The following PLCG1 variants were observed in gnomAD, a reference collection of about 807,000 sequenced individuals.
PLCG1 encodes 1-phosphatidylinositol 4,5-bisphosphate phosphodiesterase gamma-1.
In PLCG1, 71 loss-of-function variants were observed where a neutral mutation model predicts 177.8. That is an observed-to-expected ratio of 0.40 (90% CI 0.33 to 0.49). PLCG1 has a LOEUF of 0.49. Ranked by LOEUF, PLCG1 falls within the 20% of genes least tolerant of loss-of-function variation. The pLI is 0.72. For missense variants in PLCG1, 1,281 were observed against 1,709.0 expected, an observed-to-expected ratio of 0.75 and a Z score of 4.42; for synonymous variants, 658 against 647.9, an observed-to-expected ratio of 1.02 and a Z score of -0.24.
chr20:41,172,378 C>CTGGGTG lies in PLCG1; in HGVS notation c.2906-42_2906-37dup, dbSNP rs1600676903. ...TATTTAGGTATCCCCCCAACACTTC[C>CTGGGTG]TGGGTGGGCGGGCTCTGTAAGTGTT... is the stretch of plus-strand genomic sequence containing the variant. On this transcript the variant is annotated intron_variant, in intron 25 of 31. Transcript: ENST00000685551. This position sits in a 1 kb window ranked among gnomAD's most constrained non-coding sequence, Gnocchi z 7.0. The CTGGGTG allele has an allele frequency of 6.3e-7, 1 of 1,593,302 alleles. No homozygotes were observed. Among genetic ancestry groups the CTGGGTG allele is most frequent in the East Asian group, 2.2e-5 (1 of 44,760 alleles).
intron 24 of PLCG1, 102 bp downstream of exon 24, chr20:41,170,371 C>A: frequency 7.8e-7 from 1 of 1,279,504 alleles, no homozygotes; most frequent in Non-Finnish European, 1.1e-6. Flanking sequence ...GTGGGGCAGC[C>A]GATGGCCTAT....
chr20:41,175,818 CAGGT>C lies in PLCG1; in HGVS notation c.*1313_*1316del, dbSNP rs1432895023. 6.6e-6 allele frequency: 1 copy of C among 152,622 alleles called. No homozygotes were observed. The highest frequency in any genetic ancestry group is 1.5e-5 in the Non-Finnish European group (1 of 68,044). The allele number at this position is 152,622 out of a possible 1,614,324, so 9.5% of individuals were successfully genotyped here. A position where few individuals can be genotyped will look rare whatever the true frequency, so the allele number is the denominator to read the frequency against. On this transcript the variant is annotated 3_prime_UTR_variant, in exon 32 of 32. Transcript: ENST00000685551. ...CCAGATGATTATTCTGCAGTAGAAG[CAGGT>C]AGGAAATTTCTGGAAATTTCTCAGG... is the stretch of plus-strand genomic sequence containing the variant.
Position 41,174,584 on chromosome 20 carries a change from G to A in PLCG1, c.*75G>A. 1 of 1,364,110 alleles carries A rather than the reference G, an allele frequency of 7.3e-7. No homozygotes were observed. Among genetic ancestry groups the A allele is most frequent in the Non-Finnish European group, 1.0e-6 (1 of 976,494 alleles). 84.5% of individuals were successfully genotyped at this position (1,364,110 alleles called of 1,614,324 possible). A position where few individuals can be genotyped will look rare whatever the true frequency, so the allele number is the denominator to read the frequency against. ...ATGCCGCGAACTGGGTTCTTTGGAA[G>A]CAGCCCCCTGTGGCGGCCTTCCGGG... On this transcript the variant is annotated 3_prime_UTR_variant, in exon 32 of 32. Transcript: ENST00000685551. This position sits in a 1 kb window ranked among gnomAD's most constrained non-coding sequence, Gnocchi z 5.8.
At chr20:41,140,365 C>T (rs2145993604) in intron 1 of PLCG1, among the ~76,000 whole-genome samples, 1 of 152,306 alleles carries the variant, frequency 6.6e-6, no homozygotes, top group African/African-American at 2.4e-5. Context: ...TCCCTGCGGC[C>T]TCTGAGGAGG....
rs750142815 is a variant in PLCG1 at position 41,167,934 on chromosome 20, A to G, written c.2379+5A>G. On this transcript the variant is annotated splice_donor_5th_base_variant and intron_variant, in intron 20 of 31. Transcript: ENST00000685551. The surrounding 1 kb of genome is among the most constrained non-coding windows in gnomAD (Gnocchi z 4.4). ...AACCCTATGCCAACTTTCAAGGTAC[A>G]GCTCAGGCCTCTGGGCATAGGAAGC... 3.7e-6 allele frequency: 6 copies of G among 1,607,654 alleles called. No homozygotes were observed. Among genetic ancestry groups the G allele is most frequent in the Non-Finnish European group, 5.1e-6 (6 of 1,174,442 alleles).
At chr20:41,162,224 G>GTTTT (rs1568742730) in intron 4 of PLCG1, 2 of 314,032 alleles carry the variant, frequency 6.4e-6, no homozygotes, top group African/African-American at 5.2e-5. Flanking sequence ...TTTTTTGTTT[G>GTTTT]TTTTGTTTTT....
At position 41,146,678 on chromosome 20, in the gene PLCG1, G is replaced by T. The variant is rs2035004833; in HGVS notation, c.217+8820G>T. Among the ~76,000 whole-genome samples the T allele has an allele frequency of 6.6e-6, 1 of 152,212 alleles. No homozygotes were observed. Among genetic ancestry groups the T allele is most frequent in the Non-Finnish European group, 1.5e-5 (1 of 68,036 alleles). ...TGTTTTCTTGGACACCTGGGGATAT[G>T]GTTGAGTTAAAATGTTCTGAGGGAA... is the stretch of plus-strand genomic sequence containing the variant. On this transcript the variant is annotated intron_variant, in intron 1 of 31. Transcript: ENST00000685551. The surrounding 1 kb of genome is among the most constrained non-coding windows in gnomAD (Gnocchi z 6.3).
chr20:41,138,404 A>T (rs556151978), intron 1 of PLCG1, among the ~76,000 whole-genome samples: 2 of 151,632 alleles, frequency 1.3e-5, no homozygotes, highest in East Asian at 3.9e-4. Context: ...GGGCCTACTC[A>T]TCTCCCTCTG....
chr20:41,171,809 C>T (rs1292305977), intron 24 of PLCG1, among the ~76,000 whole-genome samples: 1 of 152,030 alleles, frequency 6.6e-6, no homozygotes, highest in African/African-American at 2.4e-5. Context: ...TCACAGGTAA[C>T]ACAGAAGAAT....
chr20:41,162,956 A>G lies in PLCG1; in HGVS notation c.682-2A>G. ...GCCCTGACCAGGTTCTGTTTCCTGC[A>G]GATGGACCTCCCCTTCTTGGAAGCC... On this transcript the variant is annotated splice_acceptor_variant, in intron 6 of 31. Coordinates refer to ENST00000685551, the MANE Select transcript of PLCG1 (RefSeq NM_002660.3). LOFTEE classifies it high-confidence loss of function. 6.2e-7 allele frequency: 1 copy of G among 1,613,972 alleles called. No homozygotes were observed. The highest frequency in any genetic ancestry group is 8.5e-7 in the Non-Finnish European group (1 of 1,179,874).
intron 1 of PLCG1, among the ~76,000 whole-genome samples, chr20:41,141,418 G>A (rs976231833): frequency 6.6e-6 from 1 of 152,272 alleles, no homozygotes; most frequent in Admixed American, 6.5e-5. Context: ...CTGCCTTGAT[G>A]AGGCAGGCGG....
In PLCG1 at chr20:41,166,826, C is replaced by T; in HGVS notation, c.2268C>T (p.Ile756=). 1 of 1,614,142 alleles carries T rather than the reference C, an allele frequency of 6.2e-7. No individual in the cohort carries two copies. The highest frequency in any genetic ancestry group is 8.5e-7 in the Non-Finnish European group (1 of 1,180,022). The part of the protein sequence containing the change: ...LYRKMKLRYP[I]NEEALEKIGT... ...GCAAGATGAAGCTGCGCTATCCCAT[C>T]AACGAGGAGGCACTGGAGAAGATTG... Residue 756 remains isoleucine (I), a synonymous_variant, in exon 19 of 32, where the codon ATC becomes ATT. Coordinates refer to ENST00000685551, the MANE Select transcript of PLCG1 (RefSeq NM_002660.3). The surrounding 1 kb of genome is among the most constrained non-coding windows in gnomAD (Gnocchi z 8.6).
At position 41,172,643 on chromosome 20, in the gene PLCG1, C is replaced by A. The variant is rs753162829; in HGVS notation, c.3128C>A (p.Pro1043His). The change falls in exon 26 of 32, where the codon CCT becomes CAT. Residue 1043 changes from proline (P) to histidine (H), a missense_variant and splice_region_variant. Physicochemically the swap from Pro to His is moderately conservative, Grantham distance 77. Coordinates refer to ENST00000685551, the MANE Select transcript of PLCG1 (RefSeq NM_002660.3). The surrounding 1 kb of genome is among the most constrained non-coding windows in gnomAD (Gnocchi z 7.0). The part of the protein sequence containing the change: ...SQLVALNFQT[P>H]DKPMQMNQAL... ...CTTGTGGCCCTCAACTTCCAGACCC[C>A]TGGTGAGGAAGTCCCCTGTGAGGAG... is the stretch of plus-strand genomic sequence containing the variant. 6.2e-7 allele frequency: 1 copy of A among 1,613,670 alleles called. No individual in the cohort carries two copies. Among genetic ancestry groups the A allele is most frequent in the Non-Finnish European group, 8.5e-7 (1 of 1,179,714 alleles).
chr20:41,137,551 C>A lies in PLCG1; in HGVS notation c.-91C>A. Reference sequence around the variant, plus strand: ...GCCGCCGGGTCCCGCTCGTCTGCCGCCTCAGCCTCAGCCCCAACCTCAGCC... The same window carrying A: ...GCCGCCGGGTCCCGCTCGTCTGCCGACTCAGCCTCAGCCCCAACCTCAGCC... On this transcript the variant is annotated 5_prime_UTR_variant, in exon 1 of 32. Coordinates refer to ENST00000685551, the MANE Select transcript of PLCG1 (RefSeq NM_002660.3). The surrounding 1 kb of genome is among the most constrained non-coding windows in gnomAD (Gnocchi z 7.3). The A allele has an allele frequency of 5.8e-6, 4 of 685,144 alleles. No individual in the cohort carries two copies. The highest frequency in any genetic ancestry group is 6.0e-6 in the Non-Finnish European group (3 of 496,086). The allele number at this position is 685,144 out of a possible 1,614,324, so 42.4% of individuals were successfully genotyped here. A position where few individuals can be genotyped will look rare whatever the true frequency, so the allele number is the denominator to read the frequency against.
rs777646574 is a variant in PLCG1, at chr20:41,173,740, G to A, written c.3483G>A (p.Val1161=). ...AATTTGCCTTTCTGCGCTTCGTGGT[G>A]TATGAGGAAGACATGTTTAGTGACC... ...NPEFAFLRFV[V]YEEDMFSDQN... is the part of the protein sequence containing the mutation. Residue 1161 remains valine, a synonymous_variant, in exon 29 of 32, where the codon GTG becomes GTA. Coordinates refer to ENST00000685551, the MANE Select transcript of PLCG1 (RefSeq NM_002660.3). This position sits in a 1 kb window ranked among gnomAD's most constrained non-coding sequence, Gnocchi z 6.2. The A allele has an allele frequency of 1.4e-5, 22 of 1,614,148 alleles. No homozygotes were observed. The highest frequency in any genetic ancestry group is 1.6e-4 in the Middle Eastern group (1 of 6,062).
In PLCG1 at chr20:41,177,173, C is replaced by G. The variant is rs547958568; in HGVS notation, c.*2664C>G. On this transcript the variant is annotated 3_prime_UTR_variant, in exon 32 of 32. Coordinates refer to ENST00000685551, the MANE Select transcript of PLCG1 (RefSeq NM_002660.3). ...CAGGCTCCTTGTTCTCCTGCCATCA[C>G]CAGTAGAACCTTCTGGCTGACAGAC... The G allele has an allele frequency of 6.6e-6, 1 of 152,244 alleles. No individual in the cohort carries two copies. The highest frequency in any genetic ancestry group is 1.5e-5 in the Non-Finnish European group (1 of 68,048). 9.4% of individuals were successfully genotyped at this position (152,244 alleles called of 1,614,324 possible). A position where few individuals can be genotyped will look rare whatever the true frequency, so the allele number is the denominator to read the frequency against.
At position 41,146,141 on chromosome 20, in the gene PLCG1, G is replaced by A. The variant is rs2034988746; in HGVS notation, c.217+8283G>A. Among the ~76,000 whole-genome samples, 1 of 152,222 alleles carries A rather than the reference G, an allele frequency of 6.6e-6. No individual in the cohort carries two copies. Among genetic ancestry groups the A allele is most frequent in the East Asian group, 1.9e-4 (1 of 5,198 alleles). ...GCAAGACTCAGGATGCAGAGTAAAC[G>A]GGGCAGGGCGTTCTCCTACAGAAGA... On this transcript the variant is annotated intron_variant, in intron 1 of 31. Coordinates refer to ENST00000685551, the MANE Select transcript of PLCG1 (RefSeq NM_002660.3). This position sits in a 1 kb window ranked among gnomAD's most constrained non-coding sequence, Gnocchi z 6.3.
Position 41,167,547 on chromosome 20 carries a change from T to G in PLCG1, c.2302-305T>G, listed in dbSNP as rs2035741723. On this transcript the variant is annotated intron_variant, in intron 19 of 31. Transcript: ENST00000685551. This position sits in a 1 kb window ranked among gnomAD's most constrained non-coding sequence, Gnocchi z 4.4. Reference sequence around the variant, plus strand: ...AGCCACTGAACTAAAGCACTGAATATGGGTAGTCTGTGAAGGGCCCACCTG... The same window carrying G: ...AGCCACTGAACTAAAGCACTGAATAGGGGTAGTCTGTGAAGGGCCCACCTG... The G allele has an allele frequency of 5.3e-6, 2 of 375,026 alleles. No individual in the cohort carries two copies. The highest frequency in any genetic ancestry group is 9.9e-6 in the Non-Finnish European group (2 of 202,338). 23.2% of individuals were successfully genotyped at this position (375,026 alleles called of 1,614,324 possible).
At chr20:41,170,820 CTTT>C in intron 24 of PLCG1, 1 of 152,854 alleles carries the variant, frequency 6.5e-6, no homozygotes. Context: ...CCTTGTGAGA[CTTT>C]TGAGCTGCAT....
Sources: gnomAD v4.1 joint callset for allele counts (sites outside exome capture counted in the v4.1 genomes callset) on GRCh38, gnomAD v4.1.1 for gene constraint, Gnocchi (gnomAD v3.1) non-coding constraint, MANE v1.5 for transcripts, NCBI Gene and HGNC (gene_info 2026-07-23, HGNC 2026-07-21) for gene names.